Variants in CERKL observed in about 807,000 individuals in gnomAD.
The protein encoded by CERKL is ceramide kinase-like protein.
In CERKL, 61 loss-of-function variants were observed where a neutral mutation model predicts 63.4. The observed-to-expected ratio is 0.96, with a 90% CI of 0.78 to 1.19. The LOEUF (loss-of-function observed/expected upper bound fraction) is 1.19. Among genes scored for constraint, CERKL ranks in the 50% most tolerant of loss-of-function variants. CERKL has a pLI of 0.00. For missense variants in CERKL, 675 were observed against 655.5 expected (o/e 1.03, Z -0.33); for synonymous variants, 250 against 230.5 (o/e 1.08, Z -0.77).
intron 1 of CERKL, among the ~76,000 whole-genome samples, chr2:181,629,067 T>C (rs1686835479): frequency 7.1e-6 from 1 of 140,288 alleles, no homozygotes; most frequent in African/African-American, 2.9e-5. Flanking sequence ...TATTTCCAAA[T>C]TGAATTAACT....
intron 5 of CERKL, among the ~76,000 whole-genome samples, chr2:181,554,492 G>C (rs181803615): frequency 2.9e-4 from 44 of 152,250 alleles, no homozygotes; most frequent in African/African-American, 1.0e-3. Flanking sequence ...TATGTGGCTT[G>C]AGCCTTGTTT....
At chr2:181,584,716 T>C (rs925426985) in intron 2 of CERKL, among the ~76,000 whole-genome samples, 2 of 151,710 alleles carry the variant, frequency 1.3e-5, no homozygotes, top group Non-Finnish European at 2.9e-5. Flanking sequence ...AATTATTCCA[T>C]CCACTCATAT....
intron 2 of CERKL, among the ~76,000 whole-genome samples, chr2:181,589,559 T>G (rs1370543369): frequency 6.6e-6 from 1 of 152,198 alleles, no homozygotes; most frequent in Non-Finnish European, 1.5e-5. Context: ...TTTGTTCCAG[T>G]CTATCTGGGA....
intron 4 of CERKL, chr2:181,565,413 A>G: frequency 1.3e-6 from 2 of 1,590,768 alleles, no homozygotes; most frequent in Non-Finnish European, 1.7e-6. Flanking sequence ...AAAAATGGCA[A>G]TGAAATTTAT....
At chr2:181,637,442 TA>T (rs1339393284) in intron 1 of CERKL, among the ~76,000 whole-genome samples, 1 of 152,200 alleles carries the variant, frequency 6.6e-6, no homozygotes, top group African/African-American at 2.4e-5. Context: ...GATGCTGATG[TA>T]AAGCGCTACA....
chr2:181,627,544 T>C (rs554122925), intron 1 of CERKL, among the ~76,000 whole-genome samples: 1 of 152,324 alleles, frequency 6.6e-6, no homozygotes, highest in East Asian at 1.9e-4. Flanking sequence ...TAAAAACTTT[T>C]AGGTGTCCTA....
chr2:181,556,990 G>C (rs1688239568), intron 5 of CERKL, among the ~76,000 whole-genome samples: 1 of 152,088 alleles, frequency 6.6e-6, no homozygotes, highest in South Asian at 2.1e-4. Context: ...TTCTCTGATG[G>C]CCAGTGATGA....
chr2:181,654,610 C>A (rs953589456), intron 1 of CERKL, among the ~76,000 whole-genome samples: 4 of 152,170 alleles, frequency 2.6e-5, no homozygotes, highest in Admixed American at 6.5e-5. Flanking sequence ...TGCTCTCCCC[C>A]CACCACATCC....
At chr2:181,576,390 G>T (rs780885150) in intron 2 of CERKL, among the ~76,000 whole-genome samples, 6 of 152,094 alleles carry the variant, frequency 3.9e-5, no homozygotes, top group Non-Finnish European at 7.4e-5. Context: ...GAGACTAAAG[G>T]CATGAAAATT....
intron 1 of CERKL, among the ~76,000 whole-genome samples, chr2:181,605,334 T>C (rs566578522): frequency 3.5e-4 from 53 of 152,292 alleles, no homozygotes; most frequent in African/African-American, 1.3e-3. Context: ...GTGAACACTG[T>C]AGATTTGCAG....
At chr2:181,626,345 C>A (rs566455971) in intron 1 of CERKL, among the ~76,000 whole-genome samples, 1 of 151,534 alleles carries the variant, frequency 6.6e-6, no homozygotes, top group South Asian at 2.1e-4. Context: ...TCAAGAAAAA[C>A]CAATATAGTG....
intron 2 of CERKL, among the ~76,000 whole-genome samples, chr2:181,601,598 G>A (rs1685461505): frequency 6.6e-6 from 1 of 152,136 alleles, no homozygotes; most frequent in African/African-American, 2.4e-5. Flanking sequence ...AAAAGTGCCA[G>A]TGTAACACAA....
At chr2:181,555,311 T>C (rs765117318) in intron 5 of CERKL, among the ~76,000 whole-genome samples, 3 of 152,168 alleles carry the variant, frequency 2.0e-5, no homozygotes, top group Admixed American at 1.3e-4. Context: ...GTTTCCACCA[T>C]TATAGTCAGA....
chr2:181,629,947 T>C (rs1686877701), intron 1 of CERKL, among the ~76,000 whole-genome samples: 1 of 136,246 alleles, frequency 7.3e-6, no homozygotes, highest in Non-Finnish European at 1.6e-5. Flanking sequence ...TAATCACACA[T>C]TAACCATTGT....
chr2:181,611,476 T>C lies in CERKL; in HGVS notation c.239-7397A>G, dbSNP rs549271709. On this transcript the variant is annotated intron_variant, in intron 1 of 12. Coordinates refer to ENST00000410087, the MANE Select transcript of CERKL (RefSeq NM_201548.5). ...GAGTTTGAGACCAGCCTGGGCAACA[T>C]AGTGAGACCTCATCTCTACAAAAAA... Among the ~76,000 whole-genome samples, 193 of 151,692 alleles carry C rather than the reference T, an allele frequency of 1.3e-3. 1 individual carries two copies. Among genetic ancestry groups the C allele is most frequent in the African/African-American group, 4.4e-3 (181 of 41,358 alleles).
At chr2:181,594,539 C>G (rs762130298) in intron 2 of CERKL, among the ~76,000 whole-genome samples, 1 of 152,188 alleles carries the variant, frequency 6.6e-6, no homozygotes, top group South Asian at 2.1e-4. Context: ...GAGAACACAG[C>G]TTGGCATCAG....
chr2:181,600,776 C>G (rs1685424913), intron 2 of CERKL, among the ~76,000 whole-genome samples: 1 of 152,204 alleles, frequency 6.6e-6, no homozygotes, highest in African/African-American at 2.4e-5. Flanking sequence ...CAACACCCCA[C>G]TCACAGCACC....
intron 1 of CERKL, among the ~76,000 whole-genome samples, chr2:181,629,582 T>TG (rs1015192390): frequency 8.6e-5 from 13 of 151,190 alleles, no homozygotes; most frequent in South Asian, 2.1e-4. Context: ...ATGTAATAAA[T>TG]GGGGGGGTGG....
chr2:181,625,817 G>C (rs1686674166), intron 1 of CERKL, among the ~76,000 whole-genome samples: 1 of 152,226 alleles, frequency 6.6e-6, no homozygotes, highest in Admixed American at 6.5e-5. Flanking sequence ...TATTCTAGGA[G>C]TTAGAGAAAC....
Sources: allele counts gnomAD v4.1 joint callset (sites outside exome capture counted in the v4.1 genomes callset), GRCh38; gene constraint gnomAD v4.1.1; transcripts MANE v1.5; gene names NCBI Gene and HGNC (gene_info 2026-07-23, HGNC 2026-07-21).